The following MTUS2 variants were observed in gnomAD, a reference collection of about 807,000 sequenced individuals.
MTUS2 encodes the protein microtubule-associated tumor suppressor candidate 2.
Under a neutral mutation model 114.1 loss-of-function variants are expected in MTUS2, and 40 were observed. The observed-to-expected ratio is 0.35, with a 90% CI of 0.27 to 0.46. The LOEUF (loss-of-function observed/expected upper bound fraction) is 0.46. MTUS2 is among the 20% of genes least tolerant of loss of function. The pLI is 1.00. For synonymous variants in MTUS2, 688 were observed against 672.0 expected, an observed-to-expected ratio of 1.02 and a Z score of -0.37; for missense variants, 1,679 against 1,705.4, an observed-to-expected ratio of 0.98 and a Z score of 0.27.
At chr13:29,008,144 T>C (rs1885680326) in intron 2 of MTUS2, among the ~76,000 whole-genome samples, 1 of 152,190 alleles carries the variant, frequency 6.6e-6, no homozygotes, top group African/African-American at 2.4e-5. Context: ...GTTGTGATGT[T>C]CGCCCCTTTG....
At chr13:29,120,051 A>AT (rs1448185392) in intron 5 of MTUS2, among the ~76,000 whole-genome samples, 1 of 152,204 alleles carries the variant, frequency 6.6e-6, no homozygotes, top group Non-Finnish European at 1.5e-5. Context: ...CTTATGATAA[A>AT]TTTTTTGCCA....
At chr13:28,878,206 A>AATAT (rs146866165) in intron 2 of MTUS2, among the ~76,000 whole-genome samples, 96,415 of 149,490 alleles carry the variant, frequency 0.64, 33,475 homozygotes, top group Non-Finnish European at 0.78. Context: ...CTTAAAAAAG[A>AATAT]ATATATATAT....
At chr13:29,484,089 C>G (rs1472272139) in intron 10 of MTUS2, 1 of 152,282 alleles carries the variant, frequency 6.6e-6, no homozygotes, top group African/African-American at 2.4e-5. Context: ...CATGATGATT[C>G]TGCTCCATCA....
chr13:28,874,702 C>G (rs866792606), intron 2 of MTUS2, among the ~76,000 whole-genome samples: 5 of 152,300 alleles, frequency 3.3e-5, no homozygotes, highest in Middle Eastern at 3.4e-3. Context: ...CACACTGTCA[C>G]TTTTACCAAC....
chr13:29,350,598 G>A (rs1869148954), intron 7 of MTUS2, among the ~76,000 whole-genome samples: 1 of 151,978 alleles, frequency 6.6e-6, no homozygotes, highest in Non-Finnish European at 1.5e-5. Flanking sequence ...AGTCATGAGA[G>A]TGGTATCTCA....
intron 5 of MTUS2, among the ~76,000 whole-genome samples, chr13:29,232,318 ACACACG>A (rs1566081004): frequency 4.0e-5 from 4 of 98,992 alleles, no homozygotes; most frequent in East Asian, 4.5e-4. Flanking sequence ...ACACACACAC[ACACACG>A]CACACATACA....
At chr13:29,252,438 G>A (rs375966438) in intron 5 of MTUS2, among the ~76,000 whole-genome samples, 10 of 152,096 alleles carry the variant, frequency 6.6e-5, no homozygotes, top group African/African-American at 1.7e-4. Context: ...GTCTAAATGC[G>A]TCCTGGCCAC....
intron 5 of MTUS2, among the ~76,000 whole-genome samples, chr13:29,128,377 A>G (rs1891608326): frequency 6.6e-6 from 1 of 152,204 alleles, no homozygotes. Context: ...GAAACCGGTT[A>G]GGAATCGCCC....
At chr13:29,086,930 A>G (rs1889717404) in intron 4 of MTUS2, among the ~76,000 whole-genome samples, 1 of 152,076 alleles carries the variant, frequency 6.6e-6, no homozygotes, top group South Asian at 2.1e-4. Flanking sequence ...TGTATATGGT[A>G]CTGGGTTTTA....
intron 8 of MTUS2, among the ~76,000 whole-genome samples, chr13:29,368,521 T>C (rs186776999): frequency 7.9e-5 from 12 of 152,306 alleles, no homozygotes; most frequent in Admixed American, 3.3e-4. Context: ...AAATGATAAA[T>C]GTTTGAGGTG....
intron 2 of MTUS2, among the ~76,000 whole-genome samples, chr13:28,951,519 CTGGGTGCAGTGGCTCACACCTGT>C (rs1366149343): frequency 6.6e-6 from 1 of 152,170 alleles, no homozygotes; most frequent in East Asian, 1.9e-4. Flanking sequence ...AGTCTTGAGG[CTGGGTGCAGTGGCTCACACCTGT>C]AATCCCAGCA....
intron 5 of MTUS2, among the ~76,000 whole-genome samples, chr13:29,275,001 T>G (rs1186292381): frequency 6.6e-6 from 1 of 152,210 alleles, no homozygotes; most frequent in Non-Finnish European, 1.5e-5. Flanking sequence ...CCCAAAGTGC[T>G]GAGATTACAG....
At chr13:29,477,775 A>G (rs912510075) in intron 9 of MTUS2, among the ~76,000 whole-genome samples, 1 of 151,658 alleles carries the variant, frequency 6.6e-6, no homozygotes, top group Admixed American at 6.6e-5. Context: ...TGTGACAATT[A>G]TATATATATA....
At chr13:28,971,526 T>G (rs1271274534) in intron 2 of MTUS2, among the ~76,000 whole-genome samples, 1 of 152,192 alleles carries the variant, frequency 6.6e-6, no homozygotes, top group Non-Finnish European at 1.5e-5. Flanking sequence ...CCATTAGGAC[T>G]TCAACAGTAA....
chr13:28,843,804 G>T (rs1035051802), intron 2 of MTUS2, among the ~76,000 whole-genome samples: 5 of 152,192 alleles, frequency 3.3e-5, no homozygotes, highest in Admixed American at 2.0e-4. Context: ...ACACACGGGG[G>T]ATGGGTCATG....
chr13:29,061,507 A>G (rs1213864693), intron 4 of MTUS2, among the ~76,000 whole-genome samples: 1 of 152,176 alleles, frequency 6.6e-6, no homozygotes, highest in East Asian at 1.9e-4. Flanking sequence ...CAAAGGGTTA[A>G]TGGGACTCTT....
rs186365300 is a variant in MTUS2 at position 28,906,101 on chromosome 13, T to C, written c.-243+66251T>C. Among the ~76,000 whole-genome samples, 141 of 151,650 alleles carry C rather than the reference T, an allele frequency of 9.3e-4. 8 individuals carry two copies. The highest frequency in any genetic ancestry group is 3.1e-3 in the African/African-American group (129 of 41,172). On this transcript the variant is annotated intron_variant, in intron 2 of 15. Transcript: ENST00000612955. ...TATTTCTGTGGGATTGGTGGTGATA[T>C]CCCCTTTATTATTTTTTATTGTGTC...
chr13:28,849,965 G>A (rs192985416), intron 2 of MTUS2, among the ~76,000 whole-genome samples: 187 of 152,238 alleles, frequency 1.2e-3, no homozygotes, highest in Non-Finnish European at 2.3e-3. Context: ...GTAGTGTCAT[G>A]TTTTATCAGA....
intron 2 of MTUS2, among the ~76,000 whole-genome samples, chr13:28,998,725 A>G (rs1029109168): frequency 2.0e-5 from 3 of 152,150 alleles, no homozygotes; most frequent in Non-Finnish European, 2.9e-5. Context: ...TTCTTGTGCC[A>G]TAGTTTTCAG....
Sources: gnomAD v4.1 joint callset for allele counts (sites outside exome capture counted in the v4.1 genomes callset) on GRCh38, gnomAD v4.1.1 for gene constraint, MANE v1.5 for transcripts, NCBI Gene and HGNC (gene_info 2026-07-23, HGNC 2026-07-21) for gene names.